The following MCPH1 variants were observed in gnomAD, a reference collection of about 807,000 sequenced individuals.
The protein encoded by MCPH1 is microcephalin.
MCPH1 carries 104 observed loss-of-function variants against 84.5 expected under a neutral mutation model. The ratio of observed to expected loss-of-function variants is 1.23; its 90% CI spans 1.05 to 1.45. The LOEUF is 1.45. MCPH1 is among the 40% of genes most tolerant of loss of function. The pLI is 0.00. For synonymous variants in MCPH1, 514 were observed against 366.8 expected (o/e 1.40, Z -4.58); for missense variants, 1,498 against 1,005.7 (o/e 1.49, Z -6.62).
intron 9 of MCPH1, among the ~76,000 whole-genome samples, chr8:6,472,653 A>C (rs1807898319): frequency 1.3e-5 from 2 of 151,968 alleles, no homozygotes; most frequent in African/African-American, 4.8e-5. Flanking sequence ...TTTTTAGTAG[A>C]GATGGGGTTT....
At chr8:6,610,187 T>C (rs886597947) in intron 12 of MCPH1, among the ~76,000 whole-genome samples, 53 of 152,308 alleles carry the variant, frequency 3.5e-4, no homozygotes, top group African/African-American at 1.1e-3. Context: ...CTGGTTCTCT[T>C]AAATAGATGC....
chr8:6,640,084 G>A (rs1797835280), intron 13 of MCPH1, among the ~76,000 whole-genome samples: 2 of 144,834 alleles, frequency 1.4e-5, no homozygotes, highest in African/African-American at 5.4e-5. Context: ...GTGTGTGTGT[G>A]TGTGTGTGTG....
intron 9 of MCPH1, among the ~76,000 whole-genome samples, chr8:6,473,542 A>G (rs1379628231): frequency 6.6e-6 from 1 of 152,080 alleles, no homozygotes; most frequent in Non-Finnish European, 1.5e-5. Flanking sequence ...AGTGTTAGCC[A>G]GGATGGTCTC....
At position 6,435,397 on chromosome 8, in the gene MCPH1, C is replaced by T. The variant is rs143328432; in HGVS notation, c.322-651C>T. On this transcript the variant is annotated intron_variant, in intron 4 of 13. Coordinates refer to ENST00000344683, the MANE Select transcript of MCPH1 (RefSeq NM_024596.5). The stretch of plus-strand genomic sequence containing the variant: ...CAGGAGGAAACTCTCAAATCCGCCT[C>T]CCTGAGGTGGGGGCTCAGGCAGTTT... Among the ~76,000 whole-genome samples, 180 of 152,224 alleles carry T rather than the reference C, an allele frequency of 1.2e-3. 3 individuals carry two copies. In the East Asian group the frequency reaches 0.03, roughly 25 times the overall value.
chr8:6,530,864 T>TA (rs1819369778), intron 12 of MCPH1, among the ~76,000 whole-genome samples: 1 of 152,224 alleles, frequency 6.6e-6, no homozygotes, highest in African/African-American at 2.4e-5. Flanking sequence ...GAATGAGTCT[T>TA]ACGAGAGTGG....
chr8:6,528,158 T>G (rs2442610), intron 12 of MCPH1, among the ~76,000 whole-genome samples: 1 of 152,122 alleles, frequency 6.6e-6, no homozygotes, highest in South Asian at 2.1e-4. Context: ...CGGCCTCCCA[T>G]AGTGCTGGGA....
chr8:6,534,935 G>T lies in MCPH1; in HGVS notation c.2214+35006G>T, dbSNP rs117679969. On this transcript the variant is annotated intron_variant, in intron 12 of 13. Transcript: ENST00000344683. ...CCATGGGAGTAATGGAATTTTTGAG[G>T]TTGCAGTTAAAGCTGTGTGTCACCC... Among the ~76,000 whole-genome samples the T allele has an allele frequency of 8.3e-4, 127 of 152,258 alleles. 1 individual carries two copies. The East Asian group carries it at 0.019, about 22-fold the overall frequency.
At chr8:6,604,529 G>A (rs903675009) in intron 12 of MCPH1, among the ~76,000 whole-genome samples, 10 of 152,254 alleles carry the variant, frequency 6.6e-5, no homozygotes, top group Non-Finnish European at 1.2e-4. Flanking sequence ...TTTTGAGACG[G>A]AGTCTCACTC....
At chr8:6,553,793 C>T (rs74552201) in intron 12 of MCPH1, among the ~76,000 whole-genome samples, 2 of 152,022 alleles carry the variant, frequency 1.3e-5, no homozygotes, top group South Asian at 2.1e-4. Context: ...AGCAGAAAAG[C>T]GAATGTCAGA....
At chr8:6,496,633 C>T (rs77263577) in intron 11 of MCPH1, among the ~76,000 whole-genome samples, 5,444 of 150,186 alleles carry the variant, frequency 0.036, 237 homozygotes, top group East Asian at 0.24. Context: ...CTATGGTGGG[C>T]GGTATGCTTG....
chr8:6,520,586 G>C (rs1039289551), intron 12 of MCPH1, among the ~76,000 whole-genome samples: 1 of 152,118 alleles, frequency 6.6e-6, no homozygotes, highest in African/African-American at 2.4e-5. Flanking sequence ...AGTAGAGACA[G>C]GATTTCACCA....
intron 3 of MCPH1, among the ~76,000 whole-genome samples, chr8:6,423,512 C>G (rs1400468858): frequency 5.3e-5 from 8 of 152,262 alleles, no homozygotes; most frequent in African/African-American, 1.9e-4. Flanking sequence ...TTTGCCTGTA[C>G]ATGCAGATGC....
intron 12 of MCPH1, among the ~76,000 whole-genome samples, chr8:6,598,398 G>T (rs1416890145): frequency 6.6e-6 from 1 of 152,170 alleles, no homozygotes. Context: ...GACAGAGCCG[G>T]CGACCGGCCA....
At chr8:6,549,100 C>T (rs954190859) in intron 12 of MCPH1, among the ~76,000 whole-genome samples, 1 of 152,192 alleles carries the variant, frequency 6.6e-6, no homozygotes, top group Non-Finnish European at 1.5e-5. Context: ...TCAGTCAAAA[C>T]AGCTTTCAGT....
chr8:6,499,686 A>T, intron 11 of MCPH1, 166 bp from the exon 12 acceptor site: 1 of 627,352 alleles, frequency 1.6e-6, no homozygotes, highest in Non-Finnish European at 2.9e-6. Flanking sequence ...TATTCATAAC[A>T]TTTATGCAAC....
intron 12 of MCPH1, among the ~76,000 whole-genome samples, chr8:6,568,188 C>T (rs1360346766): frequency 6.6e-6 from 1 of 152,106 alleles, no homozygotes; most frequent in African/African-American, 2.4e-5. Flanking sequence ...AAGGCGCAAA[C>T]AAGAAAAGCC....
rs1051796993 is a variant in MCPH1 at position 6,521,699 on chromosome 8, T to G, written c.2214+21770T>G. Among the ~76,000 whole-genome samples, 20 of 152,174 alleles carry G rather than the reference T, an allele frequency of 1.3e-4. 1 individual carries two copies. The highest frequency in any genetic ancestry group is 1.2e-3 in the Admixed American group (19 of 15,272). On this transcript the variant is annotated intron_variant, in intron 12 of 13. Coordinates refer to ENST00000344683, the MANE Select transcript of MCPH1 (RefSeq NM_024596.5). ...CCAGGATAGGTGGGATATGGGTGTT[T>G]TTTGTATTAGATGCTGCAGCGCTCA...
chr8:6,606,363 T>G (rs774044397), intron 12 of MCPH1, among the ~76,000 whole-genome samples: 1 of 152,216 alleles, frequency 6.6e-6, no homozygotes, highest in Non-Finnish European at 1.5e-5. Context: ...ACTTGAAAAT[T>G]CCCAACAGTC....
chr8:6,552,375 T>C (rs183634358), intron 12 of MCPH1, among the ~76,000 whole-genome samples: 3 of 152,208 alleles, frequency 2.0e-5, no homozygotes, highest in South Asian at 2.1e-4. Context: ...GAGGCACTCA[T>C]GCAATATGCA....
Sources: gnomAD v4.1 joint callset for allele counts (sites outside exome capture counted in the v4.1 genomes callset) on GRCh38, gnomAD v4.1.1 for gene constraint, MANE v1.5 for transcripts, NCBI Gene and HGNC (gene_info 2026-07-23, HGNC 2026-07-21) for gene names.